Variants in LRIF1 observed in about 807,000 individuals in gnomAD.
LRIF1 encodes the protein ligand-dependent nuclear receptor-interacting factor 1.
Under a neutral mutation model 52.7 loss-of-function variants are expected in LRIF1, and 32 were observed. The observed-to-expected ratio is 0.61, with a 90% confidence interval of 0.46 to 0.82. LRIF1 has a LOEUF of 0.82. Among genes scored for constraint, LRIF1 ranks in the 40% least tolerant of loss-of-function variants. The pLI, the probability that LRIF1 is intolerant of heterozygous loss-of-function variation, is 0.00. For missense variants in LRIF1, 887 were observed against 892.0 expected, an observed-to-expected ratio of 0.99 and a Z score of 0.07; for synonymous variants, 323 against 317.4, an observed-to-expected ratio of 1.02 and a Z score of -0.19.
In LRIF1 at chr1:110,949,891, TTG is replaced by T. The variant is rs1557837814; in HGVS notation, c.1827_1828del (p.Tyr609Ter). On this transcript the variant is annotated stop_gained and frameshift_variant, in exon 3 of 4. Transcript: ENST00000369763. LOFTEE classifies it low-confidence loss of function (END_TRUNC). ...TTCCTTCACCATAAACTCTGTCTCT[TTG>T]TAAGTACCACTCTTTACCAAACTGC... 6.2e-7 allele frequency: 1 copy of T among 1,614,106 alleles called. No homozygotes were observed. Among genetic ancestry groups the T allele is most frequent in the Non-Finnish European group, 8.5e-7 (1 of 1,180,016 alleles).
the LRIF1 span, among the ~76,000 whole-genome samples, chr1:110,898,359 A>T: frequency 6.8e-6 from 1 of 146,224 alleles, no homozygotes; most frequent in Admixed American, 7.0e-5. Context: ...CCTGGGCGAC[A>T]GAGCGAGACT....
At chr1:110,930,516 G>GA in the LRIF1 span, among the ~76,000 whole-genome samples, 2 of 152,070 alleles carry the variant, frequency 1.3e-5, no homozygotes, top group African/African-American at 4.8e-5. Flanking sequence ...GAGCGGTGGG[G>GA]AATTAGAAAA....
At chr1:110,962,404 C>T (rs1658998533) in intron 1 of LRIF1, among the ~76,000 whole-genome samples, 1 of 152,100 alleles carries the variant, frequency 6.6e-6, no homozygotes, top group Non-Finnish European at 1.5e-5. Flanking sequence ...AGAATTTTGG[C>T]TCATTACTAT....
chr1:110,890,112 G>T, the LRIF1 span, among the ~76,000 whole-genome samples: 1 of 152,110 alleles, frequency 6.6e-6, no homozygotes, highest in Admixed American at 6.6e-5. Context: ...CCTTGAAACT[G>T]CAAAGGAGAT....
At position 110,948,384 on chromosome 1, in the gene LRIF1, T is replaced by C. The variant is rs1658304088; in HGVS notation, c.1885A>G (p.Lys629Glu). 1.2e-6 allele frequency: 2 copies of C among 1,610,232 alleles called. No individual in the cohort carries two copies. The highest frequency in any genetic ancestry group is 1.3e-5 in the African/African-American group (1 of 74,720). Residue 629 changes from lysine to glutamate, a missense_variant, in exon 4 of 4, where the codon AAA becomes GAA. Lys to Glu is a moderately conservative substitution (Grantham distance 56). Transcript: ENST00000369763. ...GERKQQNFDK[K>E]RKAKTNKKMD... Reference sequence around the variant, plus strand: ...TTCTTATTAGTTTTTGCTTTTCTTTTCTTATCAAAATTCTGCTGCAATATT... The same window carrying C: ...TTCTTATTAGTTTTTGCTTTTCTTTCCTTATCAAAATTCTGCTGCAATATT...
At chr1:110,945,849 T>G (rs1386970026), downstream of LRIF1, among the ~76,000 whole-genome samples, 1 of 152,228 alleles carries the variant, frequency 6.6e-6, no homozygotes, top group Non-Finnish European at 1.5e-5. Flanking sequence ...AATTGACTAC[T>G]GAATCTAGTA....
the LRIF1 span, among the ~76,000 whole-genome samples, chr1:110,925,493 A>C: frequency 1.3e-5 from 2 of 152,288 alleles, no homozygotes; most frequent in Admixed American, 6.5e-5. Flanking sequence ...AACCCGGACC[A>C]ATACACAGTA....
chr1:110,902,641 T>C, the LRIF1 span, among the ~76,000 whole-genome samples: 3 of 151,416 alleles, frequency 2.0e-5, no homozygotes, highest in African/African-American at 7.3e-5. Flanking sequence ...AAGATGTAAA[T>C]ATGTGGAAAA....
chr1:110,907,645 A>G, the LRIF1 span, among the ~76,000 whole-genome samples: 3 of 152,156 alleles, frequency 2.0e-5, no homozygotes, highest in Non-Finnish European at 4.4e-5. Flanking sequence ...TGAAGCAGAG[A>G]ATTGCTTGAA....
chr1:110,919,945 A>T, the LRIF1 span, among the ~76,000 whole-genome samples: 4 of 152,222 alleles, frequency 2.6e-5, no homozygotes, highest in Admixed American at 2.0e-4. Context: ...AAACATATAA[A>T]AAGATGTTCA....
chr1:110,931,088 A>G, the LRIF1 span, among the ~76,000 whole-genome samples: 1 of 151,532 alleles, frequency 6.6e-6, no homozygotes, highest in Non-Finnish European at 1.5e-5. Flanking sequence ...GCATCCATCA[A>G]CTCGTCATTT....
the LRIF1 span, among the ~76,000 whole-genome samples, chr1:110,919,355 C>CT: frequency 1.4e-4 from 21 of 152,292 alleles, no homozygotes; most frequent in South Asian, 4.1e-3. Context: ...AAAGGTGTGA[C>CT]TGGCCTAGTC....
chr1:110,902,360 C>A, the LRIF1 span, among the ~76,000 whole-genome samples: 2 of 152,010 alleles, frequency 1.3e-5, no homozygotes, highest in Non-Finnish European at 1.5e-5. Flanking sequence ...TTAAAAGAAG[C>A]ATGCTTAGAT....
At position 110,952,120 on chromosome 1, in the gene LRIF1, G is replaced by A. The variant is rs111268959; in HGVS notation, c.764C>T (p.Thr255Ile). 1 of 1,614,144 alleles carries A rather than the reference G, an allele frequency of 6.2e-7. No homozygotes were observed. Among genetic ancestry groups the A allele is most frequent in the East Asian group, 2.2e-5 (1 of 44,874 alleles). Residue 255 changes from threonine (T) to isoleucine (I), a missense_variant, in exon 2 of 4, where the codon ACA (threonine) becomes ATA (isoleucine). Physicochemically the swap from Thr to Ile is moderately conservative, Grantham distance 89. Transcript: ENST00000369763. ...NFQNIYPKPV[T>I]EIAKPVILNT... ...TAGTATTACTGGCTTTGCTATTTCT[G>A]TAACAGGTTTTGGGTAAATGTTTTG...
At chr1:110,930,061 A>G in the LRIF1 span, among the ~76,000 whole-genome samples, 2 of 152,226 alleles carry the variant, frequency 1.3e-5, no homozygotes, top group African/African-American at 2.4e-5. Context: ...ATTATTAACT[A>G]AACTACAGAC....
At chr1:110,959,474 G>A (rs1372087283) in intron 1 of LRIF1, among the ~76,000 whole-genome samples, 1 of 151,966 alleles carries the variant, frequency 6.6e-6, no homozygotes, top group African/African-American at 2.4e-5. Context: ...AAATATGGCC[G>A]GGTGCAGTGG....
the LRIF1 span, chr1:110,937,461 A>T: frequency 1.3e-5 from 2 of 152,142 alleles, no homozygotes; most frequent in Non-Finnish European, 2.9e-5. Context: ...GAAATTAAAC[A>T]ATATGCTCCA....
the LRIF1 span, among the ~76,000 whole-genome samples, chr1:110,934,782 G>A: frequency 1.1e-4 from 17 of 152,320 alleles, no homozygotes; most frequent in Admixed American, 9.8e-4. Flanking sequence ...CAACCTAAAG[G>A]GAAGGAGGCG....
chr1:110,948,852 A>G (rs1033818453), intron 3 of LRIF1, among the ~76,000 whole-genome samples: 18 of 152,286 alleles, frequency 1.2e-4, no homozygotes, highest in South Asian at 1.0e-3. Context: ...AGTTATAGAC[A>G]TTTCTTTTTA....
Sources: allele counts gnomAD v4.1 joint callset (sites outside exome capture counted in the v4.1 genomes callset), GRCh38; gene constraint gnomAD v4.1.1; transcripts MANE v1.5; gene names NCBI Gene and HGNC (gene_info 2026-07-23, HGNC 2026-07-21).